The following CACNA2D1 variants were observed in gnomAD, a reference collection of about 807,000 sequenced individuals.
CACNA2D1 encodes the protein voltage-dependent calcium channel subunit alpha-2/delta-1.
A neutral mutation model predicts 171.5 loss-of-function variants in CACNA2D1; 53 were observed. The ratio of observed to expected loss-of-function variants is 0.31; its 90% CI spans 0.25 to 0.39. CACNA2D1 has a LOEUF of 0.39. Among genes scored for constraint, CACNA2D1 ranks in the 10% least tolerant of loss-of-function variants. The probability of loss-of-function intolerance (pLI) is 1.00; values close to 1 mark genes in which losing one functional copy is unlikely to be tolerated. For missense variants in CACNA2D1, 903 were observed against 1,299.8 expected (o/e 0.69, Z 4.69); for synonymous variants, 442 against 443.1 (o/e 1.00, Z 0.03).
At chr7:82,296,155 T>G (rs1812262382) in intron 3 of CACNA2D1, among the ~76,000 whole-genome samples, 1 of 152,020 alleles carries the variant, frequency 6.6e-6, no homozygotes, top group Non-Finnish European at 1.5e-5. Context: ...ATATACCTAA[T>G]GCTGAATGAC....
intron 3 of CACNA2D1, among the ~76,000 whole-genome samples, chr7:82,247,664 A>G (rs1375616519): frequency 1.3e-5 from 2 of 152,206 alleles, no homozygotes; most frequent in Non-Finnish European, 2.9e-5. Flanking sequence ...TCAGGTTGAC[A>G]AAGTCATTTT....
intron 4 of CACNA2D1, among the ~76,000 whole-genome samples, chr7:82,138,242 C>G (rs1249298019): frequency 6.6e-6 from 1 of 151,866 alleles, no homozygotes; most frequent in African/African-American, 2.4e-5. Flanking sequence ...GAAGACCAAA[C>G]AAACCAAAAA....
chr7:82,341,730 G>A (rs912884992), intron 2 of CACNA2D1, among the ~76,000 whole-genome samples: 14 of 152,116 alleles, frequency 9.2e-5, no homozygotes, highest in Admixed American at 2.6e-4. Flanking sequence ...TTTACAAGAT[G>A]CATGACACTG....
chr7:82,347,543 TCCAACACCC>T (rs1315586057), intron 2 of CACNA2D1, among the ~76,000 whole-genome samples: 1 of 152,132 alleles, frequency 6.6e-6, no homozygotes, highest in African/African-American at 2.4e-5. Flanking sequence ...TCACCATATA[TCCAACACCC>T]CCAATCTCAG....
Position 82,363,562 on chromosome 7 carries a change from G to A in CACNA2D1, c.96-13913C>T, listed in dbSNP as rs189922290. Among the ~76,000 whole-genome samples, 189 of 152,110 alleles carry A rather than the reference G, an allele frequency of 1.2e-3. 1 individual carries two copies. The highest frequency in any genetic ancestry group is 4.2e-3 in the African/African-American group (174 of 41,522). On this transcript the variant is annotated intron_variant, in intron 1 of 38. Transcript: ENST00000356860. ...TTATAGGCGTGAGCCACCACGCCCC[G>A]CCTGTTTGTCTTTATCCTTAGATTT... is the stretch of plus-strand genomic sequence containing the variant.
At chr7:82,184,015 C>T (rs1455752042) in intron 3 of CACNA2D1, among the ~76,000 whole-genome samples, 1 of 151,050 alleles carries the variant, frequency 6.6e-6, no homozygotes, top group African/African-American at 2.4e-5. Context: ...TTCCTTTTAC[C>T]TTTAAATAAT....
At chr7:82,248,924 T>C (rs958112713) in intron 3 of CACNA2D1, among the ~76,000 whole-genome samples, 3 of 151,986 alleles carry the variant, frequency 2.0e-5, no homozygotes, top group African/African-American at 7.2e-5. Context: ...GAGACCATCC[T>C]GGCTAATACG....
intron 1 of CACNA2D1, among the ~76,000 whole-genome samples, chr7:82,373,041 G>A (rs1335882770): frequency 6.6e-6 from 1 of 152,062 alleles, no homozygotes; most frequent in Admixed American, 6.6e-5. Flanking sequence ...AAAATTACCT[G>A]GGCATGGTGG....
At chr7:82,346,095 C>A (rs1454588911) in intron 2 of CACNA2D1, among the ~76,000 whole-genome samples, 1 of 152,162 alleles carries the variant, frequency 6.6e-6, no homozygotes, top group Non-Finnish European at 1.5e-5. Flanking sequence ...CTCTCCAAAT[C>A]TCTTTCCCTT....
intron 3 of CACNA2D1, among the ~76,000 whole-genome samples, chr7:82,195,951 T>C (rs1471818724): frequency 6.6e-6 from 1 of 152,028 alleles, no homozygotes; most frequent in Non-Finnish European, 1.5e-5. Flanking sequence ...GCTTTTGCAG[T>C]TCTGCAGAAA....
At chr7:82,218,323 A>G (rs1245274421) in intron 3 of CACNA2D1, among the ~76,000 whole-genome samples, 3 of 152,182 alleles carry the variant, frequency 2.0e-5, no homozygotes, top group Non-Finnish European at 2.9e-5. Context: ...AAACAGGTAC[A>G]TAAGGAGGCT....
intron 10 of CACNA2D1, among the ~76,000 whole-genome samples, chr7:82,042,928 C>T (rs191019088): frequency 6.6e-6 from 1 of 152,130 alleles, no homozygotes; most frequent in Non-Finnish European, 1.5e-5. Flanking sequence ...AATAAATAGA[C>T]CCCTCTATTG....
chr7:82,146,434 T>A (rs1793089350), intron 4 of CACNA2D1, among the ~76,000 whole-genome samples: 2 of 127,614 alleles, frequency 1.6e-5, no homozygotes, highest in Non-Finnish European at 3.6e-5. Context: ...ATATACATAT[T>A]TATATTTATA....
At chr7:81,977,389 A>G (rs1051349463) in intron 24 of CACNA2D1, among the ~76,000 whole-genome samples, 3 of 152,122 alleles carry the variant, frequency 2.0e-5, no homozygotes, top group Admixed American at 6.6e-5. Context: ...ACTGGTACAA[A>G]AACATATAAA....
chr7:82,400,898 C>G (rs1291993706), intron 1 of CACNA2D1, among the ~76,000 whole-genome samples: 1 of 151,942 alleles, frequency 6.6e-6, no homozygotes, highest in South Asian at 2.1e-4. Context: ...GGGTGAAGGA[C>G]ATGAACAGAC....
Position 82,342,016 on chromosome 7 carries a change from G to A in CACNA2D1, c.178-6765C>T, listed in dbSNP as rs116845226. On this transcript the variant is annotated intron_variant, in intron 2 of 38. Transcript: ENST00000356860. ...TTGCAGTGAGCTGAGATCGCGCCAC[G>A]GTGCTCCAGCCTGGGCTACAGCGCG... Among the ~76,000 whole-genome samples the A allele has an allele frequency of 5.3e-3, 734 of 139,038 alleles. 18 individuals carry two copies. In the East Asian group the frequency reaches 0.084, roughly 16 times the overall value. 91.2% of individuals were successfully genotyped at this position (139,038 alleles called of 152,430 possible). A position where few individuals can be genotyped will look rare whatever the true frequency, so the allele number is the denominator to read the frequency against.
intron 3 of CACNA2D1, among the ~76,000 whole-genome samples, chr7:82,235,460 T>C (rs1016192550): frequency 1.3e-5 from 2 of 152,154 alleles, no homozygotes; most frequent in African/African-American, 4.8e-5. Flanking sequence ...GGCCACATTA[T>C]GAATTCACAC....
At chr7:82,015,536 AC>A (rs1431053907) in intron 12 of CACNA2D1, among the ~76,000 whole-genome samples, 6 of 152,132 alleles carry the variant, frequency 3.9e-5, no homozygotes, top group Non-Finnish European at 8.8e-5. Context: ...CATGAGGTCA[AC>A]CTATACTTAA....
chr7:82,188,945 CT>C (rs1428363758), intron 3 of CACNA2D1, among the ~76,000 whole-genome samples: 1 of 151,990 alleles, frequency 6.6e-6, no homozygotes, highest in Admixed American at 6.6e-5. Flanking sequence ...CATGTTCTCA[CT>C]TACAAGTGAG....
Sources: gnomAD v4.1 joint callset for allele counts (sites outside exome capture counted in the v4.1 genomes callset) on GRCh38, gnomAD v4.1.1 for gene constraint, MANE v1.5 for transcripts, NCBI Gene and HGNC (gene_info 2026-07-23, HGNC 2026-07-21) for gene names.